The following PCDHA4 variants were observed in gnomAD, a reference collection of about 807,000 sequenced individuals.
PCDHA4 encodes the protein protocadherin alpha 4.
In PCDHA4, 49 loss-of-function variants were observed where a neutral mutation model predicts 61.4. The observed-to-expected ratio is 0.80, with a 90% CI of 0.63 to 1.01. The LOEUF (loss-of-function observed/expected upper bound fraction) is 1.01. Ranked by LOEUF, PCDHA4 falls within the 50% of genes least tolerant of loss-of-function variation. The probability of loss-of-function intolerance (pLI) is 0.00; values close to 1 mark genes in which losing one functional copy is unlikely to be tolerated. For missense variants in PCDHA4, 1,254 were observed against 1,235.8 expected (o/e 1.01, Z -0.22); for synonymous variants, 590 against 550.3 (o/e 1.07, Z -1.01).
rs147995655 is a variant in PCDHA4, at chr5:140,849,740, C to G, written c.2385+40168C>G. 79 of 1,598,306 alleles carry G rather than the reference C, an allele frequency of 4.9e-5. 7 individuals are homozygous for G. In the African/African-American group the frequency reaches 8.5e-4, roughly 17 times the overall value. On this transcript the variant is annotated intron_variant, in intron 1 of 3. Transcript: ENST00000530339. ...TGGTGCTGGACAGAGCTCTGGACCG[C>G]GAGAGTGTGTCCGCCTACGAGCTGG...
chr5:140,869,141 G>T (rs782396331), intron 1 of PCDHA4: 1 of 1,613,314 alleles, frequency 6.2e-7, no homozygotes, highest in African/African-American at 1.3e-5. Flanking sequence ...GGCACCCCAC[G>T]ACTACAGCTC....
chr5:140,882,204 G>T, intron 1 of PCDHA4: 1 of 1,530,664 alleles, frequency 6.5e-7, no homozygotes. Flanking sequence ...ATTGGGCCTT[G>T]AGAGACAGTT....
At chr5:140,901,716 G>A (rs555901106) in intron 1 of PCDHA4, among the ~76,000 whole-genome samples, 1 of 152,176 alleles carries the variant, frequency 6.6e-6, no homozygotes, top group South Asian at 2.1e-4. Flanking sequence ...TTTTCAGATT[G>A]TCTTTTCTAT....
chr5:140,883,847 G>A (rs782603246), intron 1 of PCDHA4: 3 of 1,612,878 alleles, frequency 1.9e-6, no homozygotes, highest in Non-Finnish European at 8.5e-7. Flanking sequence ...GGACCACGAG[G>A]AGCTGGAGCT....
chr5:140,882,705 G>T, intron 1 of PCDHA4: 1 of 1,614,172 alleles, frequency 6.2e-7, no homozygotes, highest in South Asian at 1.1e-5. Flanking sequence ...GCAGAATCTA[G>T]ACCTCCGGAA....
intron 1 of PCDHA4, among the ~76,000 whole-genome samples, chr5:140,933,412 A>G (rs1466318521): frequency 2.6e-5 from 4 of 152,066 alleles, no homozygotes; most frequent in Non-Finnish European, 5.9e-5. Flanking sequence ...ATCTACAGAT[A>G]TTCTGTGTTC....
intron 1 of PCDHA4, chr5:140,828,179 C>T (rs1377583653): frequency 4.3e-6 from 7 of 1,614,050 alleles, no homozygotes; most frequent in Non-Finnish European, 5.1e-6. Flanking sequence ...GGGGAGCGGC[C>T]AGCTCCACTA....
chr5:140,852,246 C>T, intron 1 of PCDHA4: 3 of 546,236 alleles, frequency 5.5e-6, no homozygotes, highest in South Asian at 1.6e-4. Flanking sequence ...TTAAAACACA[C>T]TTTTGGAATA....
intron 1 of PCDHA4, among the ~76,000 whole-genome samples, chr5:140,833,021 AAG>A (rs1157304540): frequency 2.0e-5 from 3 of 152,192 alleles, no homozygotes; most frequent in Admixed American, 6.6e-5. Context: ...TGGTTCCCAT[AAG>A]AGAGAGTGTG....
At chr5:140,872,207 T>C (rs1372716316) in intron 1 of PCDHA4, among the ~76,000 whole-genome samples, 1 of 152,224 alleles carries the variant, frequency 6.6e-6, no homozygotes, top group African/African-American at 2.4e-5. Flanking sequence ...ATAAATTCAT[T>C]ATATATGAAA....
At chr5:140,988,482 C>T (rs1017365611) in intron 3 of PCDHA4, among the ~76,000 whole-genome samples, 1 of 152,152 alleles carries the variant, frequency 6.6e-6, no homozygotes, top group Non-Finnish European at 1.5e-5. Flanking sequence ...GAATTAGCAT[C>T]CCCTACCTAG....
rs59031154 is a variant in PCDHA4 at position 140,884,790 on chromosome 5, T to C, written c.2385+75218T>C. ...TTAATTTTAATTTTGCTAGTTGTTATCGAATTTAACAACTCTGCTGTGGAC... is the reference window on the plus strand; with the variant it reads ...TTAATTTTAATTTTGCTAGTTGTTACCGAATTTAACAACTCTGCTGTGGAC... On this transcript the variant is annotated intron_variant, in intron 1 of 3. Transcript: ENST00000530339. 1.6e-3 allele frequency: 2,209 copies of C among 1,352,036 alleles called. 33 individuals are homozygous for C. In the African/African-American group the frequency reaches 0.03, roughly 18 times the overall value. The allele number at this position is 1,352,036 out of a possible 1,614,324, so 83.8% of individuals were successfully genotyped here.
chr5:140,866,283 G>A (rs1554160187), intron 1 of PCDHA4: 1 of 152,094 alleles, frequency 6.6e-6, no homozygotes, highest in Non-Finnish European at 1.5e-5. Context: ...GACAGTGTTT[G>A]GGACAAGTAT....
intron 1 of PCDHA4, among the ~76,000 whole-genome samples, chr5:140,941,768 T>C (rs576405772): frequency 2.6e-5 from 4 of 152,254 alleles, no homozygotes; most frequent in Non-Finnish European, 5.9e-5. Context: ...TTTAAGATAA[T>C]TGTTTTAATG....
chr5:140,828,886 T>C lies in PCDHA4; in HGVS notation c.2385+19314T>C, dbSNP rs1485794831. On this transcript the variant is annotated intron_variant, in intron 1 of 3. Coordinates refer to ENST00000530339, the MANE Select transcript of PCDHA4 (RefSeq NM_018907.4). Reference sequence around the variant, plus strand: ...ACGGAACAACAGTTATCAGACTGAATGCTTCTGATCGGGATGAAGGAGCGA... The same window carrying C: ...ACGGAACAACAGTTATCAGACTGAACGCTTCTGATCGGGATGAAGGAGCGA... 7 of 1,614,126 alleles carry C rather than the reference T, an allele frequency of 4.3e-6. No individual in the cohort carries two copies. In the African/African-American group the frequency reaches 5.3e-5, roughly 12 times the overall value.
chr5:140,826,838 C>T (rs1769075989), intron 1 of PCDHA4, among the ~76,000 whole-genome samples: 1 of 152,062 alleles, frequency 6.6e-6, no homozygotes, highest in Admixed American at 6.5e-5. Context: ...AGAAGTTTCT[C>T]AAGTGTCTTG....
At chr5:140,852,214 ATTTTAAT>A (rs2042272787) in intron 1 of PCDHA4, 1 of 644,752 alleles carries the variant, frequency 1.6e-6, no homozygotes, top group Non-Finnish European at 2.0e-6. Flanking sequence ...AAAACAAAAT[ATTTTAAT>A]TTTTAAATTT....
chr5:140,928,785 G>A, intron 1 of PCDHA4: 1 of 1,614,144 alleles, frequency 6.2e-7, no homozygotes, highest in Middle Eastern at 1.6e-4. Context: ...ATGCAGTTAA[G>A]CAGAGGGTGG....
intron 1 of PCDHA4, among the ~76,000 whole-genome samples, chr5:140,953,278 T>C (rs1227774652): frequency 6.6e-5 from 10 of 152,146 alleles, no homozygotes; most frequent in African/African-American, 2.4e-4. Flanking sequence ...CTTTGCTCTT[T>C]ATATGTGATT....
Sources: allele counts gnomAD v4.1 joint callset (sites outside exome capture counted in the v4.1 genomes callset), GRCh38; gene constraint gnomAD v4.1.1; transcripts MANE v1.5; gene names NCBI Gene and HGNC (gene_info 2026-07-23, HGNC 2026-07-21).